Variants in MED17 observed in about 807,000 individuals in gnomAD.
MED17 encodes the protein mediator of RNA polymerase II transcription subunit 17.
MED17 carries 49 observed loss-of-function variants against 80.8 expected under a neutral mutation model. The observed-to-expected ratio is 0.61, with a 90% CI of 0.48 to 0.77. The LOEUF is 0.77. Among genes scored for constraint, MED17 ranks in the 30% least tolerant of loss-of-function variants. The pLI is 0.00. For missense variants in MED17, 718 were observed against 787.0 expected (o/e 0.91, Z 1.05); for synonymous variants, 281 against 280.4 (o/e 1.00, Z -0.02).
chr11:93,792,920 G>A (rs1055343176), intron 3 of MED17, among the ~76,000 whole-genome samples: 4 of 151,960 alleles, frequency 2.6e-5, no homozygotes, highest in Non-Finnish European at 4.4e-5. Context: ...CAGCCTGGAA[G>A]ACAGAGGGAG....
chr11:93,799,278 C>T (rs1021347367), intron 8 of MED17, among the ~76,000 whole-genome samples: 5 of 151,198 alleles, frequency 3.3e-5, no homozygotes, highest in Admixed American at 1.3e-4. Flanking sequence ...CGGGTTCAAG[C>T]GATCATCCCG....
rs115270465 is a variant in MED17 at position 93,793,425 on chromosome 11, C to T, written c.638-303C>T. On this transcript the variant is annotated intron_variant, in intron 3 of 11. Coordinates refer to ENST00000251871, the MANE Select transcript of MED17 (RefSeq NM_004268.5). ...AGCCACCATGCCTGCCCTGTGAGTACACCCATTTTTATCAATACTCCATTG... is the reference window on the plus strand; with the variant it reads ...AGCCACCATGCCTGCCCTGTGAGTATACCCATTTTTATCAATACTCCATTG... The T allele has an allele frequency of 3.3e-3, 1,000 of 304,032 alleles. 13 individuals carry two copies. The highest frequency in any genetic ancestry group is 0.021 in the African/African-American group (923 of 44,372). 18.8% of individuals were successfully genotyped at this position (304,032 alleles called of 1,614,324 possible). A position where few individuals can be genotyped will look rare whatever the true frequency, so the allele number is the denominator to read the frequency against.
chr11:93,807,584 A>G lies in MED17; in HGVS notation c.1533A>G (p.Val511=), dbSNP rs768952234. 6.2e-7 allele frequency: 1 copy of G among 1,613,470 alleles called. No individual in the cohort carries two copies. The highest frequency in any genetic ancestry group is 2.2e-5 in the East Asian group (1 of 44,842). ...GAGTTGTACATAGAGATGGAAGAGT[A>G]ATTACACTGTCTTATCAGGAGCAGG... The part of the protein sequence containing the change: ...QIRVVHRDGR[V]ITLSYQEQEL... Residue 511 remains valine (V), a synonymous_variant, in exon 10 of 12, where the codon GTA becomes GTG. Coordinates refer to ENST00000251871, the MANE Select transcript of MED17 (RefSeq NM_004268.5).
intron 10 of MED17, chr11:93,809,405 A>G (rs1591391779): frequency 1.2e-5 from 5 of 402,850 alleles, no homozygotes; most frequent in Non-Finnish European, 2.4e-5. Context: ...AGTGGATTTG[A>G]AGGGGCAAAT....
rs1266319608 is a variant in MED17, at chr11:93,797,697, A to G, written c.1306A>G (p.Lys436Glu). 3 of 1,613,282 alleles carry G rather than the reference A, an allele frequency of 1.9e-6. No individual in the cohort carries two copies. In the East Asian group the frequency reaches 6.7e-5, roughly 36 times the overall value. Residue 436 changes from lysine (K) to glutamate (E), a missense_variant, in exon 8 of 12, where the codon AAG becomes GAG. Physicochemically the swap from Lys to Glu is moderately conservative, Grantham distance 56. Coordinates refer to ENST00000251871, the MANE Select transcript of MED17 (RefSeq NM_004268.5). ...GLLEKIIKQA[K>E]HIFLRSRAAA... The stretch of plus-strand genomic sequence containing the variant: ...TCTGGAAAAAATAATTAAACAAGCA[A>G]AGCATATTTTTCTAAGGAGTAGGTA...
At chr11:93,784,971 C>T (rs1354995602) in intron 1 of MED17, 17 of 685,114 alleles carry the variant, frequency 2.5e-5, no homozygotes, top group African/African-American at 1.1e-4. Context: ...TGCGGGTCTC[C>T]TTGAATGGCA....
At chr11:93,787,159 A>G (rs1415330569) in intron 1 of MED17, among the ~76,000 whole-genome samples, 1 of 152,130 alleles carries the variant, frequency 6.6e-6, no homozygotes, top group African/African-American at 2.4e-5. Context: ...CACGTCTGTA[A>G]TCCCAGCACT....
chr11:93,812,220 C>T lies in MED17; in HGVS notation c.*156C>T. On this transcript the variant is annotated 3_prime_UTR_variant, in exon 12 of 12. Coordinates refer to ENST00000251871, the MANE Select transcript of MED17 (RefSeq NM_004268.5). ...TTATTTAGCACTTTCAAACTTTTCACTTTATAAATGACAAGTGCTTTGAAA... is the reference window on the plus strand; with the variant it reads ...TTATTTAGCACTTTCAAACTTTTCATTTTATAAATGACAAGTGCTTTGAAA... 2.9e-6 allele frequency: 2 copies of T among 695,128 alleles called. No individual in the cohort carries two copies. Among genetic ancestry groups the T allele is most frequent in the Non-Finnish European group, 4.9e-6 (2 of 405,304 alleles). The allele number at this position is 695,128 out of a possible 1,614,324, so 43.1% of individuals were successfully genotyped here.
Position 93,784,667 on chromosome 11 carries a change from G to C in MED17, c.154G>C (p.Gly52Arg). The C allele has an allele frequency of 6.4e-7, 1 of 1,562,692 alleles. No homozygotes were observed. The highest frequency in any genetic ancestry group is 8.7e-7 in the Non-Finnish European group (1 of 1,154,202). The change falls in exon 1 of 12, where the codon GGT (glycine) becomes CGT (arginine). Residue 52 changes from glycine to arginine, a missense_variant. By Grantham distance (125) the Gly-to-Arg change is moderately radical. Transcript: ENST00000251871. ...RLAQRIDFSQ[G>R]SGSEEEEAAG... The stretch of plus-strand genomic sequence containing the variant: ...GGCCCAGCGGATAGACTTCAGCCAG[G>C]GTTCGGGCTCCGAGGAGGAGGAGGC...
intron 11 of MED17, chr11:93,810,651 A>G (rs1591392358): frequency 6.6e-6 from 1 of 152,390 alleles, no homozygotes; most frequent in Admixed American, 6.5e-5. Context: ...TCGGCCTCCC[A>G]AAGCGCTGGG....
chr11:93,796,367 A>C, intron 6 of MED17, 43 bp from the exon 7 acceptor site: 1 of 1,542,850 alleles, frequency 6.5e-7, no homozygotes, highest in Non-Finnish European at 8.9e-7. Flanking sequence ...GCCTTTCCAT[A>C]TTTCAGGTTA....
intron 7 of MED17, chr11:93,797,023 A>C (rs1202608423): frequency 4.8e-6 from 1 of 209,832 alleles, no homozygotes; most frequent in Non-Finnish European, 9.7e-6. Flanking sequence ...GGTTCAGTTG[A>C]TTGTGATGAT....
intron 10 of MED17, 95 bp from the exon 11 acceptor site, chr11:93,809,618 CAGTG>C: frequency 2.4e-6 from 3 of 1,236,564 alleles, no homozygotes; most frequent in Non-Finnish European, 3.6e-6. Context: ...CTGTAGTAGT[CAGTG>C]AGCACCCCAA....
chr11:93,793,991 G>T lies in MED17; in HGVS notation c.815G>T (p.Gly272Val). 2 of 1,613,932 alleles carry T rather than the reference G, an allele frequency of 1.2e-6. No individual in the cohort carries two copies. Among genetic ancestry groups the T allele is most frequent in the Non-Finnish European group, 1.7e-6 (2 of 1,179,968 alleles). ...QKQAPDIGDL[G>V]TVNLFKRPLP... ...CAGGCTCCAGATATAGGTGACCTCG[G>T]CACAGTTAACCTCTTCAAACGACCT... The change falls in exon 5 of 12, where the codon GGC becomes GTC. Residue 272 changes from glycine (G) to valine (V), a missense_variant. Coordinates refer to ENST00000251871, the MANE Select transcript of MED17 (RefSeq NM_004268.5).
intron 11 of MED17, chr11:93,811,598 A>G (rs1944085963): frequency 2.0e-6 from 1 of 490,700 alleles, no homozygotes; most frequent in Non-Finnish European, 3.6e-6. Context: ...GACATTTGAC[A>G]TTCCTAGGTC....
intron 9 of MED17, among the ~76,000 whole-genome samples, chr11:93,804,804 C>T (rs186182432): frequency 1.1e-4 from 17 of 152,160 alleles, no homozygotes; most frequent in African/African-American, 3.1e-4. Flanking sequence ...AAAAGAAACT[C>T]TACATATTAG....
At chr11:93,793,515 T>TC (rs1943864851) in intron 3 of MED17, 2 of 141,878 alleles carry the variant, frequency 1.4e-5, no homozygotes, top group East Asian at 1.9e-4. Flanking sequence ...CTAAGAAGTG[T>TC]TTTTTTTTTT....
Position 93,814,417 on chromosome 11 carries a change from T to G in MED17, c.*2353T>G, listed in dbSNP as rs1226341664. On this transcript the variant is annotated 3_prime_UTR_variant, in exon 12 of 12. Coordinates refer to ENST00000251871, the MANE Select transcript of MED17 (RefSeq NM_004268.5). ...TGCTATGGAAACTTGGGAGACAGTTTGAAGAAAACCAATTAGCCCCTCAAC... is the reference window on the plus strand; with the variant it reads ...TGCTATGGAAACTTGGGAGACAGTTGGAAGAAAACCAATTAGCCCCTCAAC... The G allele has an allele frequency of 6.6e-6, 1 of 152,216 alleles. No homozygotes were observed. The highest frequency in any genetic ancestry group is 2.4e-5 in the African/African-American group (1 of 41,462). 9.4% of individuals were successfully genotyped at this position (152,216 alleles called of 1,614,324 possible). A position where few individuals can be genotyped will look rare whatever the true frequency, so the allele number is the denominator to read the frequency against.
At chr11:93,798,312 A>C (rs976266955) in intron 8 of MED17, among the ~76,000 whole-genome samples, 3 of 152,178 alleles carry the variant, frequency 2.0e-5, no homozygotes, top group Admixed American at 6.5e-5. Flanking sequence ...TGGCATGATT[A>C]CATATAAATG....
Sources: gnomAD v4.1 joint callset for allele counts (sites outside exome capture counted in the v4.1 genomes callset) on GRCh38, gnomAD v4.1.1 for gene constraint, MANE v1.5 for transcripts, NCBI Gene and HGNC (gene_info 2026-07-23, HGNC 2026-07-21) for gene names.